HNF4A: variants seen among roughly 807,000 people sequenced by gnomAD.
HNF4A encodes hepatocyte nuclear factor 4-alpha.
A neutral mutation model predicts 52.4 loss-of-function variants in HNF4A; 15 were observed. The ratio of observed to expected loss-of-function variants is 0.29; its 90% CI spans 0.19 to 0.44. The LOEUF is 0.44. Among genes scored for constraint, HNF4A ranks in the 20% least tolerant of loss-of-function variants. The pLI, the probability that HNF4A is intolerant of heterozygous loss-of-function variation, is 1.00. For synonymous variants in HNF4A, 280 were observed against 264.4 expected (o/e 1.06, Z -0.57); for missense variants, 479 against 647.2 (o/e 0.74, Z 2.82).
chr20:44,422,843 G>A (rs2063765258), intron 7 of HNF4A, among the ~76,000 whole-genome samples: 1 of 151,728 alleles, frequency 6.6e-6, no homozygotes, highest in African/African-American at 2.4e-5. Context: ...CACGCCAGGT[G>A]AATTTTTGTA....
intron 3 of HNF4A, among the ~76,000 whole-genome samples, chr20:44,412,275 A>C (rs6073432): frequency 0.32 from 49,277 of 151,908 alleles, 8,119 homozygotes; most frequent in Middle Eastern, 0.43. Context: ...ACAATAAGTG[A>C]CTTGAAGAAA....
intron 1 of HNF4A, among the ~76,000 whole-genome samples, chr20:44,379,285 T>C (rs1475969639): frequency 6.6e-6 from 1 of 152,192 alleles, no homozygotes; most frequent in Non-Finnish European, 1.5e-5. Context: ...TTCCAGATGC[T>C]ACTTTTGGTT....
intron 1 of HNF4A, 48 bp from the exon 2 acceptor site, chr20:44,406,010 T>A: frequency 3.8e-6 from 6 of 1,578,020 alleles, no homozygotes; most frequent in Non-Finnish European, 5.2e-6. Context: ...CTTAGATGCC[T>A]GACATTCTGT....
At chr20:44,403,662 G>A (rs539319517) in intron 1 of HNF4A, among the ~76,000 whole-genome samples, 20 of 152,206 alleles carry the variant, frequency 1.3e-4, no homozygotes, top group Admixed American at 3.3e-4. Context: ...GTTCATTAGA[G>A]GCCCAGCAGA....
rs1351271810 is a variant in HNF4A, at chr20:44,431,405, T to C, written c.*1740T>C. 2 of 152,310 alleles carry C rather than the reference T, an allele frequency of 1.3e-5. No individual in the cohort carries two copies. The highest frequency in any genetic ancestry group is 3.8e-4 in the East Asian group (2 of 5,316). 9.4% of individuals were successfully genotyped at this position (152,310 alleles called of 1,614,324 possible). Reference sequence around the variant, plus strand: ...AGGAGAATTCATGACTCTTGACAGCTTTTCTCTCTTCACTCCCCAAGTCAA... The same window carrying C: ...AGGAGAATTCATGACTCTTGACAGCCTTTCTCTCTTCACTCCCCAAGTCAA... On this transcript the variant is annotated 3_prime_UTR_variant, in exon 10 of 10. Transcript: ENST00000316099.
chr20:44,383,638 G>T lies in HNF4A; in HGVS notation c.50-22420G>T, dbSNP rs112593405. ...ACAATCTCAGCTCACTGCAACCTCC[G>T]CCTCCTGGGTTCAAGTGATTCTCCT... On this transcript the variant is annotated intron_variant, in intron 1 of 9. Transcript: ENST00000316673. Among the ~76,000 whole-genome samples, 56 of 149,256 alleles carry T rather than the reference G, an allele frequency of 3.8e-4. 1 individual carries two copies. In the East Asian group the frequency reaches 0.011, roughly 30 times the overall value.
rs139812970 is a variant in HNF4A at position 44,369,782 on chromosome 20, G to A, written c.49+13929G>A. On this transcript the variant is annotated intron_variant, in intron 1 of 9. Transcript: ENST00000316673. ...CCCAAGAAGCTGGGATTACAGGCGCGTGTCACCATGCCCAGCAATTTTTGT... is the reference window on the plus strand; with the variant it reads ...CCCAAGAAGCTGGGATTACAGGCGCATGTCACCATGCCCAGCAATTTTTGT... 1.2e-3 allele frequency among the ~76,000 whole-genome samples: 180 copies of A among 151,742 alleles called. 4 individuals carry two copies. In the East Asian group the frequency reaches 0.032, roughly 27 times the overall value.
At chr20:44,411,294 A>C (rs955483638) in intron 3 of HNF4A, among the ~76,000 whole-genome samples, 1 of 152,182 alleles carries the variant, frequency 6.6e-6, no homozygotes, top group Non-Finnish European at 1.5e-5. Flanking sequence ...GCCTCTGCCC[A>C]GGTCGGTTAA....
At chr20:44,407,835 T>A (rs2063524970) in intron 3 of HNF4A, among the ~76,000 whole-genome samples, 1 of 151,802 alleles carries the variant, frequency 6.6e-6, no homozygotes, top group Admixed American at 6.6e-5. Flanking sequence ...TAGAGAATGA[T>A]ATTGCAAACA....
intron 1 of HNF4A, among the ~76,000 whole-genome samples, chr20:44,383,030 G>C (rs1373402260): frequency 6.6e-6 from 1 of 152,104 alleles, no homozygotes; most frequent in Non-Finnish European, 1.5e-5. Context: ...TTAGCCAGGG[G>C]TGGTGGTCCA....
intron 1 of HNF4A, among the ~76,000 whole-genome samples, chr20:44,359,165 G>A (rs569627385): frequency 7.9e-5 from 12 of 152,286 alleles, no homozygotes; most frequent in Non-Finnish European, 1.5e-4. Context: ...GCATTTGTTG[G>A]ATGAGTGAAA....
chr20:44,414,430 G>C, intron 4 of HNF4A, 77 bp from the exon 5 acceptor site: 3 of 1,603,594 alleles, frequency 1.9e-6, no homozygotes, highest in East Asian at 2.2e-5. Flanking sequence ...ATTCCAGGGA[G>C]GGGGCTCTGT....
chr20:44,403,756 C>A (rs981295212), intron 1 of HNF4A, among the ~76,000 whole-genome samples: 6 of 152,098 alleles, frequency 3.9e-5, no homozygotes, highest in African/African-American at 1.4e-4. Context: ...GGAAGCAGTG[C>A]GATGACACCA....
chr20:44,387,900 G>A (rs1266989200), intron 1 of HNF4A, among the ~76,000 whole-genome samples: 1 of 152,122 alleles, frequency 6.6e-6, no homozygotes, highest in Non-Finnish European at 1.5e-5. Flanking sequence ...ATTGTGACTT[G>A]CAAGATGTTG....
intron 8 of HNF4A, 114 bp from the exon 9 acceptor site, chr20:44,428,221 C>T (rs2063834552): frequency 2.9e-6 from 3 of 1,029,670 alleles, no homozygotes; most frequent in Middle Eastern, 2.9e-4. Flanking sequence ...ACCCAACAGG[C>T]ACTGCCAATA....
chr20:44,406,885 C>T (rs1201171868), intron 2 of HNF4A, among the ~76,000 whole-genome samples: 4 of 152,142 alleles, frequency 2.6e-5, no homozygotes, highest in African/African-American at 9.7e-5. Flanking sequence ...AGGCATTTGC[C>T]CAAGGTCAAC....
chr20:44,413,590 TG>T, intron 3 of HNF4A, 103 bp from the exon 4 acceptor site: 1 of 795,602 alleles, frequency 1.3e-6, no homozygotes, highest in Non-Finnish European at 2.2e-6. Context: ...GCCTGTTCTC[TG>T]GACACCCCCC....
chr20:44,356,678 G>A (rs555914554), intron 1 of HNF4A, among the ~76,000 whole-genome samples: 8 of 152,264 alleles, frequency 5.3e-5, no homozygotes, highest in East Asian at 3.9e-4. Context: ...GTACACACGC[G>A]TATACGTGTA....
chr20:44,365,939 G>A (rs2062966092), intron 1 of HNF4A, among the ~76,000 whole-genome samples: 1 of 152,116 alleles, frequency 6.6e-6, no homozygotes, highest in African/African-American at 2.4e-5. Flanking sequence ...CCCAAGAGGT[G>A]AAGGTTGCTG....
Sources: allele counts gnomAD v4.1 joint callset (sites outside exome capture counted in the v4.1 genomes callset), GRCh38; gene constraint gnomAD v4.1.1; transcripts MANE v1.5; gene names NCBI Gene and HGNC (gene_info 2026-07-23, HGNC 2026-07-21).